LDAH: variants seen among roughly 807,000 people sequenced by gnomAD.
The protein encoded by LDAH is lipid droplet associated hydrolase, also known as lipid droplet-associated hydrolase.
A neutral mutation model predicts 29.6 loss-of-function variants in LDAH; 26 were observed. The ratio of observed to expected loss-of-function variants is 0.88; its 90% CI spans 0.64 to 1.22. The LOEUF (loss-of-function observed/expected upper bound fraction) is 1.22, where lower values mean the gene tolerates loss of function less well. LDAH is among the 50% of genes most tolerant of loss of function. LDAH has a pLI of 0.00. For synonymous variants in LDAH, 117 were observed against 133.0 expected, an observed-to-expected ratio of 0.88 and a Z score of 0.83; for missense variants, 344 against 387.3, an observed-to-expected ratio of 0.89 and a Z score of 0.94.
At chr2:20,775,490 C>T (rs1669747660) in intron 3 of LDAH, among the ~76,000 whole-genome samples, 1 of 152,152 alleles carries the variant, frequency 6.6e-6, no homozygotes, top group African/African-American at 2.4e-5. Context: ...CACTGGGTCC[C>T]AGTACCACAC....
chr2:20,689,227 C>T (rs1457838866), intron 6 of LDAH, among the ~76,000 whole-genome samples: 5 of 152,118 alleles, frequency 3.3e-5, no homozygotes, highest in Admixed American at 3.3e-4. Flanking sequence ...TGGTTGTTAC[C>T]TGGGGTTCCA....
At chr2:20,803,469 G>A (rs190871404) in intron 1 of LDAH, among the ~76,000 whole-genome samples, 1 of 152,212 alleles carries the variant, frequency 6.6e-6, no homozygotes, top group African/African-American at 2.4e-5. Context: ...GTAAACAGCA[G>A]TGCTCTAGAT....
At chr2:20,738,001 C>T (rs562337237) in intron 5 of LDAH, among the ~76,000 whole-genome samples, 2 of 152,114 alleles carry the variant, frequency 1.3e-5, no homozygotes, top group South Asian at 4.2e-4. Flanking sequence ...TGCCTGTAAT[C>T]CCAGAACTTT....
chr2:20,816,818 C>A (rs575229289), intron 1 of LDAH, among the ~76,000 whole-genome samples: 94 of 151,836 alleles, frequency 6.2e-4, no homozygotes, highest in African/African-American at 2.1e-3. Flanking sequence ...ATACACCATA[C>A]CCTCAGTCAT....
intron 5 of LDAH, among the ~76,000 whole-genome samples, chr2:20,718,204 A>G (rs1402193068): frequency 6.6e-6 from 1 of 152,158 alleles, no homozygotes; most frequent in Non-Finnish European, 1.5e-5. Flanking sequence ...AAATTCTCCA[A>G]TTAAGACATA....
intron 4 of LDAH, among the ~76,000 whole-genome samples, chr2:20,741,759 A>G (rs1224678935): frequency 3.3e-5 from 5 of 152,162 alleles, no homozygotes; most frequent in African/African-American, 9.7e-5. Context: ...TTCACTTACC[A>G]TAATATTCTC....
In LDAH at chr2:20,689,407, G is replaced by C. The variant is rs551067582; in HGVS notation, c.787-2313C>G. ...GAGTAAGAACTTCTTTTGCTTCCTAGAGAATATGAGAGCCTAGCAGTTGCC... is the reference window on the plus strand; with the variant it reads ...GAGTAAGAACTTCTTTTGCTTCCTACAGAATATGAGAGCCTAGCAGTTGCC... On this transcript the variant is annotated intron_variant, in intron 6 of 6. Transcript: ENST00000237822. 4.6e-5 allele frequency among the ~76,000 whole-genome samples: 7 copies of C among 152,270 alleles called. No individual in the cohort carries two copies. In the East Asian group the frequency reaches 9.6e-4, roughly 21 times the overall value.
intron 6 of LDAH, among the ~76,000 whole-genome samples, chr2:20,690,457 T>A (rs114709853): frequency 0.018 from 2,674 of 152,306 alleles, 79 homozygotes; most frequent in African/African-American, 0.061. Flanking sequence ...TTTGTAAAAT[T>A]TTGTTTTCTT....
At chr2:20,683,025 T>C (rs1291809736), downstream of LDAH, among the ~76,000 whole-genome samples, 2 of 151,790 alleles carry the variant, frequency 1.3e-5, no homozygotes, top group African/African-American at 4.9e-5. Context: ...GGCAACCTCA[T>C]CCTCTTCTCT....
At chr2:20,736,101 G>T (rs1666762549) in intron 5 of LDAH, among the ~76,000 whole-genome samples, 2 of 152,150 alleles carry the variant, frequency 1.3e-5, no homozygotes, top group African/African-American at 4.8e-5. Context: ...GGAAATGGCT[G>T]GAGTAGAGTA....
chr2:20,697,138 A>G lies in LDAH; in HGVS notation c.786+4432T>C, dbSNP rs370006292. Among the ~76,000 whole-genome samples the G allele has an allele frequency of 1.5e-3, 228 of 152,296 alleles. 4 individuals carry two copies. In the South Asian group the frequency reaches 0.043, roughly 29 times the overall value. The stretch of plus-strand genomic sequence containing the variant: ...GGATCCACTTGCATGTCCCACTGGC[A>G]TCTCAAATACAAGTACCAAAATGAA... On this transcript the variant is annotated intron_variant, in intron 6 of 6. Coordinates refer to ENST00000237822, the MANE Select transcript of LDAH (RefSeq NM_021925.4).
intron 4 of LDAH, among the ~76,000 whole-genome samples, chr2:20,749,730 T>C (rs1273167933): frequency 6.6e-6 from 1 of 152,200 alleles, no homozygotes; most frequent in East Asian, 1.9e-4. Context: ...CTTGGGAATA[T>C]AAGCAGTTAA....
chr2:20,721,779 C>G (rs1203868270), intron 5 of LDAH, among the ~76,000 whole-genome samples: 2 of 152,076 alleles, frequency 1.3e-5, no homozygotes, highest in Non-Finnish European at 2.9e-5. Context: ...TTCAGCAATC[C>G]CACTGATAGG....
intron 6 of LDAH, among the ~76,000 whole-genome samples, chr2:20,701,082 A>G (rs147875058): frequency 2.0e-5 from 3 of 152,210 alleles, no homozygotes; most frequent in Non-Finnish European, 4.4e-5. Context: ...TGTGTGCAAG[A>G]TTCTAGTATT....
In LDAH at chr2:20,685,290, A is replaced by T. The variant is rs1662478082; in HGVS notation, c.*1613T>A. The T allele has an allele frequency of 3.9e-6, 2 of 514,460 alleles. No homozygotes were observed. 31.9% of individuals were successfully genotyped at this position (514,460 alleles called of 1,614,324 possible). A position where few individuals can be genotyped will look rare whatever the true frequency, so the allele number is the denominator to read the frequency against. On this transcript the variant is annotated 3_prime_UTR_variant, in exon 7 of 7. Transcript: ENST00000237822. Reference sequence around the variant, plus strand: ...CAGTATTGTTTACATGCCTTGATTTAGTATCAGTGAGTATCTCCTGTATGC... The same window carrying T: ...CAGTATTGTTTACATGCCTTGATTTTGTATCAGTGAGTATCTCCTGTATGC...
At chr2:20,720,750 T>C (rs891053484) in intron 5 of LDAH, among the ~76,000 whole-genome samples, 13 of 152,084 alleles carry the variant, frequency 8.5e-5, no homozygotes, top group African/African-American at 2.7e-4. Context: ...TACAAAGCTA[T>C]AGTAATTAAA....
chr2:20,705,661 T>A (rs999728623), intron 5 of LDAH, among the ~76,000 whole-genome samples: 1 of 152,192 alleles, frequency 6.6e-6, no homozygotes, highest in Non-Finnish European at 1.5e-5. Flanking sequence ...AGACTTAAAG[T>A]GCTTATAGTA....
At chr2:20,809,297 G>A (rs1672310477) in intron 1 of LDAH, among the ~76,000 whole-genome samples, 1 of 152,014 alleles carries the variant, frequency 6.6e-6, no homozygotes, top group African/African-American at 2.4e-5. Context: ...TACTCAGGAG[G>A]CTGAGGCAGA....
At position 20,698,479 on chromosome 2, in the gene LDAH, G is replaced by C. The variant is rs1663663182; in HGVS notation, c.786+3091C>G. Among the ~76,000 whole-genome samples, 1 of 152,160 alleles carries C rather than the reference G, an allele frequency of 6.6e-6. No homozygotes were observed. On this transcript the variant is annotated intron_variant, in intron 6 of 6. Transcript: ENST00000237822. This position sits in a 1 kb window ranked among gnomAD's most constrained non-coding sequence, Gnocchi z 4.4. ...CCGAGGCCGGTAAATCACAAGGTCAGGAGTTTGAGACCAGCCTGACCAACA... is the reference window on the plus strand; with the variant it reads ...CCGAGGCCGGTAAATCACAAGGTCACGAGTTTGAGACCAGCCTGACCAACA...
Sources: allele counts gnomAD v4.1 joint callset (sites outside exome capture counted in the v4.1 genomes callset), GRCh38; gene constraint gnomAD v4.1.1; non-coding constraint Gnocchi (gnomAD v3.1); transcripts MANE v1.5; gene names NCBI Gene and HGNC (gene_info 2026-07-23, HGNC 2026-07-21).